LRRC4C: variants seen among roughly 807,000 people sequenced by gnomAD.
LRRC4C encodes the protein leucine rich repeat containing 4C.
Under a neutral mutation model 33.6 loss-of-function variants are expected in LRRC4C, and 5 were observed. The ratio of observed to expected loss-of-function variants is 0.15; its 90% CI spans 0.08 to 0.31. LRRC4C has a LOEUF of 0.31. Among genes scored for constraint, LRRC4C ranks in the 10% least tolerant of loss-of-function variants. The pLI is 1.00. For synonymous variants in LRRC4C, 329 were observed against 302.0 expected, an observed-to-expected ratio of 1.09 and a Z score of -0.93; for missense variants, 560 against 796.7, an observed-to-expected ratio of 0.70 and a Z score of 3.58.
At chr11:40,584,204 A>ATATATATATATATATATATATATATC (rs1958605996) in intron 3 of LRRC4C, among the ~76,000 whole-genome samples, 1 of 139,354 alleles carries the variant, frequency 7.2e-6, no homozygotes, top group Non-Finnish European at 1.5e-5. Context: ...ATATATATAT[A>ATATATATATATATATATATATATATC]TGAACTCTTT....
At chr11:41,174,884 T>C (rs1945129465) in intron 1 of LRRC4C, among the ~76,000 whole-genome samples, 1 of 152,142 alleles carries the variant, frequency 6.6e-6, no homozygotes, top group Non-Finnish European at 1.5e-5. Flanking sequence ...TTTCATAGTC[T>C]TAATGACAAT....
intron 1 of LRRC4C, among the ~76,000 whole-genome samples, chr11:41,324,336 A>G (rs753149894): frequency 1.3e-5 from 2 of 152,210 alleles, no homozygotes; most frequent in Non-Finnish European, 2.9e-5. Context: ...AGGAAGAGGC[A>G]AGAGAATTGC....
At chr11:41,225,083 T>C (rs1246095048) in intron 1 of LRRC4C, among the ~76,000 whole-genome samples, 1 of 152,048 alleles carries the variant, frequency 6.6e-6, no homozygotes, top group East Asian at 1.9e-4. Context: ...TCAAAACATT[T>C]TGAACACATG....
chr11:40,204,450 G>A (rs1862996890), intron 5 of LRRC4C, among the ~76,000 whole-genome samples: 1 of 151,906 alleles, frequency 6.6e-6, no homozygotes, highest in South Asian at 2.1e-4. Flanking sequence ...CTGCCCCTTT[G>A]ACATGTAAAT....
intron 3 of LRRC4C, among the ~76,000 whole-genome samples, chr11:40,599,359 C>T (rs1025671669): frequency 7.9e-5 from 12 of 152,038 alleles, no homozygotes; most frequent in Non-Finnish European, 1.0e-4. Flanking sequence ...GCTGAGGCAG[C>T]GGGATAGCTT....
intron 1 of LRRC4C, among the ~76,000 whole-genome samples, chr11:41,063,796 A>T (rs935485715): frequency 5.9e-5 from 9 of 152,254 alleles, no homozygotes; most frequent in African/African-American, 2.2e-4. Flanking sequence ...TCTTTAGAGC[A>T]GAGAAATAGC....
At chr11:40,528,343 A>G (rs1404497598) in intron 3 of LRRC4C, among the ~76,000 whole-genome samples, 1 of 152,150 alleles carries the variant, frequency 6.6e-6, no homozygotes, top group Admixed American at 6.5e-5. Context: ...AACAACAACA[A>G]ATAGCCTGAT....
intron 1 of LRRC4C, among the ~76,000 whole-genome samples, chr11:41,249,612 G>C (rs1591061358): frequency 6.6e-6 from 1 of 152,046 alleles, no homozygotes; most frequent in Non-Finnish European, 1.5e-5. Context: ...GCTCCTTACT[G>C]TTCCTTAAAC....
intron 3 of LRRC4C, among the ~76,000 whole-genome samples, chr11:40,521,517 A>G (rs1247396935): frequency 6.6e-6 from 1 of 152,208 alleles, no homozygotes; most frequent in Non-Finnish European, 1.5e-5. Context: ...TTACGTGACA[A>G]ACAATGAGAA....
intron 3 of LRRC4C, among the ~76,000 whole-genome samples, chr11:40,536,306 A>G (rs139634221): frequency 0.018 from 2,697 of 151,856 alleles, 43 homozygotes; most frequent in South Asian, 0.034. Flanking sequence ...CGATTCTCCC[A>G]CCTCAGCCTC....
intron 3 of LRRC4C, among the ~76,000 whole-genome samples, chr11:40,362,877 C>T (rs1158727273): frequency 6.6e-6 from 1 of 152,104 alleles, no homozygotes; most frequent in Non-Finnish European, 1.5e-5. Context: ...CCATCTCACA[C>T]CAGTCAGAAT....
intron 1 of LRRC4C, among the ~76,000 whole-genome samples, chr11:41,183,173 C>T (rs575459766): frequency 1.1e-4 from 16 of 152,042 alleles, no homozygotes; most frequent in East Asian, 3.9e-4. Flanking sequence ...ATCATTCTGC[C>T]CCTGGCCCCT....
chr11:41,049,080 A>G (rs984226257), intron 1 of LRRC4C, among the ~76,000 whole-genome samples: 1 of 152,160 alleles, frequency 6.6e-6, no homozygotes, highest in Admixed American at 6.5e-5. Context: ...AATAAATCTG[A>G]TATGGTTTGG....
intron 2 of LRRC4C, among the ~76,000 whole-genome samples, chr11:40,790,776 T>A (rs1372259723): frequency 1.3e-5 from 2 of 152,214 alleles, no homozygotes; most frequent in Non-Finnish European, 1.5e-5. Flanking sequence ...GTGTTTGTGA[T>A]CTGTTAATTA....
intron 3 of LRRC4C, among the ~76,000 whole-genome samples, chr11:40,379,941 G>A (rs916579690): frequency 6.6e-6 from 1 of 152,116 alleles, no homozygotes; most frequent in Non-Finnish European, 1.5e-5. Context: ...GTGTTTTAAT[G>A]AGTCCTGTGG....
chr11:40,780,791 T>C (rs969464556), intron 2 of LRRC4C, among the ~76,000 whole-genome samples: 119 of 150,680 alleles, frequency 7.9e-4, no homozygotes, highest in African/African-American at 2.9e-3. Context: ...TAAGAGGCTT[T>C]TTTTTTTTTA....
intron 3 of LRRC4C, among the ~76,000 whole-genome samples, chr11:40,381,236 A>T (rs1948853285): frequency 6.6e-6 from 1 of 152,046 alleles, no homozygotes. Flanking sequence ...AATGAAAAAA[A>T]AAAAAAAGCC....
chr11:40,411,129 CTGAT>C (rs2137640323), intron 3 of LRRC4C, among the ~76,000 whole-genome samples: 1 of 152,122 alleles, frequency 6.6e-6, no homozygotes, highest in East Asian at 1.9e-4. Flanking sequence ...TGGGAAGGAA[CTGAT>C]TGATAATATT....
chr11:41,306,143 C>T (rs1051430221), intron 1 of LRRC4C, among the ~76,000 whole-genome samples: 1 of 152,048 alleles, frequency 6.6e-6, no homozygotes, highest in African/African-American at 2.4e-5. Context: ...TTACTTCACC[C>T]TCAAAGCTCT....
Sources: gnomAD v4.1 joint callset for allele counts (sites outside exome capture counted in the v4.1 genomes callset) on GRCh38, gnomAD v4.1.1 for gene constraint, MANE v1.5 for transcripts, NCBI Gene and HGNC (gene_info 2026-07-23, HGNC 2026-07-21) for gene names.